B3GALT1: variants seen among roughly 807,000 people sequenced by gnomAD.
B3GALT1 encodes the protein UDP-Gal:betaGlcNAc beta 1,3-galactosyltransferase, polypeptide 1.
In B3GALT1, 10 loss-of-function variants were observed where a neutral mutation model predicts 23.2. The ratio of observed to expected loss-of-function variants is 0.43; its 90% CI spans 0.27 to 0.73. B3GALT1 has a LOEUF of 0.73. Ranked by LOEUF, B3GALT1 falls within the 30% of genes least tolerant of loss-of-function variation. The pLI is 0.21. For synonymous variants in B3GALT1, 156 were observed against 141.5 expected, an observed-to-expected ratio of 1.10 and a Z score of -0.73; for missense variants, 299 against 405.4, an observed-to-expected ratio of 0.74 and a Z score of 2.25.
chr2:167,739,786 A>G (rs1687548883), intron 3 of B3GALT1, among the ~76,000 whole-genome samples: 1 of 152,058 alleles, frequency 6.6e-6, no homozygotes, highest in South Asian at 2.1e-4. Flanking sequence ...AATATAATCC[A>G]CATTTCTTTA....
At chr2:167,800,006 C>T (rs948710169) in intron 3 of B3GALT1, among the ~76,000 whole-genome samples, 2 of 152,204 alleles carry the variant, frequency 1.3e-5, no homozygotes, top group East Asian at 1.9e-4. Flanking sequence ...TTCGCTAGAA[C>T]GTATGCTTCA....
intron 1 of B3GALT1, among the ~76,000 whole-genome samples, chr2:167,383,414 C>T (rs1282818055): frequency 6.6e-6 from 1 of 152,022 alleles, no homozygotes; most frequent in Admixed American, 6.6e-5. Context: ...TTGACTGTTC[C>T]CACTGTTTAA....
chr2:167,805,121 T>C (rs1187692756), intron 3 of B3GALT1, among the ~76,000 whole-genome samples: 1 of 152,368 alleles, frequency 6.6e-6, no homozygotes, highest in East Asian at 1.9e-4. Flanking sequence ...TGCATAAATG[T>C]CTTCTTGTGA....
chr2:167,416,431 C>T (rs1469868203), intron 1 of B3GALT1, among the ~76,000 whole-genome samples: 1 of 152,202 alleles, frequency 6.6e-6, no homozygotes, highest in African/African-American at 2.4e-5. Context: ...GAAGGGTTGG[C>T]AGCATTCACC....
intron 3 of B3GALT1, among the ~76,000 whole-genome samples, chr2:167,654,419 G>A (rs886494993): frequency 6.6e-6 from 1 of 152,108 alleles, no homozygotes; most frequent in Non-Finnish European, 1.5e-5. Context: ...GAGTGGGAAG[G>A]GGGAGCTAAA....
chr2:167,623,504 A>G (rs184239944), intron 2 of B3GALT1, among the ~76,000 whole-genome samples: 3 of 152,264 alleles, frequency 2.0e-5, no homozygotes, highest in Admixed American at 6.5e-5. Context: ...ACAAAAGAAC[A>G]GAAAACCAAA....
At chr2:167,308,923 A>G (rs1696592093) in intron 1 of B3GALT1, among the ~76,000 whole-genome samples, 1 of 152,034 alleles carries the variant, frequency 6.6e-6, no homozygotes, top group Non-Finnish European at 1.5e-5. Flanking sequence ...GGACTGTGGC[A>G]TTATGCTTGG....
chr2:167,740,687 C>G (rs762727615), intron 3 of B3GALT1, among the ~76,000 whole-genome samples: 2 of 151,952 alleles, frequency 1.3e-5, no homozygotes, highest in African/African-American at 4.8e-5. Flanking sequence ...CATCTTTGTG[C>G]AAATACTCTG....
intron 3 of B3GALT1, among the ~76,000 whole-genome samples, chr2:167,709,438 G>A (rs552969699): frequency 6.6e-6 from 1 of 152,198 alleles, no homozygotes; most frequent in Non-Finnish European, 1.5e-5. Flanking sequence ...CACAGGTGTA[G>A]CATAAACCCC....
rs116906974 is a variant in B3GALT1, at chr2:167,432,281, G to A, written c.-510-57896G>A. On this transcript the variant is annotated intron_variant, in intron 1 of 4. Coordinates refer to ENST00000392690, the MANE Select transcript of B3GALT1 (RefSeq NM_020981.4). ...ATGAAATAGAATTGGGACACCAATG[G>A]CTGTTGATCTGTAATAGTGGCATTC... 4.7e-3 allele frequency among the ~76,000 whole-genome samples: 721 copies of A among 152,306 alleles called. 6 individuals carry two copies. Among genetic ancestry groups the A allele is most frequent in the East Asian group, 0.018 (92 of 5,166 alleles).
In B3GALT1 at chr2:167,624,020, G is replaced by A. The variant is rs181047959; in HGVS notation, c.-409-22889G>A. On this transcript the variant is annotated intron_variant, in intron 2 of 4. Transcript: ENST00000392690. ...GGGTATTGGGAAGTCTTAAAGTAGA[G>A]GAATCATCTGATCTCAGTTTTGAAG... 7.9e-5 allele frequency among the ~76,000 whole-genome samples: 12 copies of A among 152,092 alleles called. No individual in the cohort carries two copies. In the East Asian group the frequency reaches 2.3e-3, roughly 30 times the overall value.
intron 1 of B3GALT1, among the ~76,000 whole-genome samples, chr2:167,450,936 A>G (rs1407887762): frequency 1.3e-5 from 2 of 151,800 alleles, no homozygotes; most frequent in African/African-American, 4.8e-5. Context: ...TAATTCGGAA[A>G]CTTTGTCTTT....
chr2:167,584,995 G>T lies in B3GALT1; in HGVS notation c.-409-61914G>T, dbSNP rs1684563267. 2.6e-5 allele frequency among the ~76,000 whole-genome samples: 4 copies of T among 152,166 alleles called. No homozygotes were observed. In the South Asian group the frequency reaches 8.3e-4, roughly 32 times the overall value. ...TTTGCCCCCCGTCTCATCCCCAGGGGAGGGTGCTACTGGAGCTGAATGTCC... is the reference window on the plus strand; with the variant it reads ...TTTGCCCCCCGTCTCATCCCCAGGGTAGGGTGCTACTGGAGCTGAATGTCC... On this transcript the variant is annotated intron_variant, in intron 2 of 4. Coordinates refer to ENST00000392690, the MANE Select transcript of B3GALT1 (RefSeq NM_020981.4).
intron 4 of B3GALT1, among the ~76,000 whole-genome samples, chr2:167,859,034 C>T (rs1283535260): frequency 6.6e-6 from 1 of 152,054 alleles, no homozygotes; most frequent in Non-Finnish European, 1.5e-5. Context: ...TTTTTGTTAT[C>T]ACATAGTTCA....
chr2:167,862,594 G>A (rs529245068), intron 4 of B3GALT1: 1 of 152,284 alleles, frequency 6.6e-6, no homozygotes, highest in African/African-American at 2.4e-5. Flanking sequence ...TTAGCCCAGT[G>A]AAGTTAACAC....
chr2:167,578,072 A>G (rs529660155), intron 2 of B3GALT1, among the ~76,000 whole-genome samples: 1 of 152,076 alleles, frequency 6.6e-6, no homozygotes, highest in South Asian at 2.1e-4. Context: ...TAAACCTTGA[A>G]CAACAGGAAT....
At chr2:167,665,874 T>C (rs933047295) in intron 3 of B3GALT1, among the ~76,000 whole-genome samples, 1 of 152,220 alleles carries the variant, frequency 6.6e-6, no homozygotes, top group African/African-American at 2.4e-5. Context: ...TTGGTCTTGC[T>C]AGTGGTCTAT....
intron 1 of B3GALT1, among the ~76,000 whole-genome samples, chr2:167,426,908 T>C (rs1051659224): frequency 6.6e-6 from 1 of 152,242 alleles, no homozygotes; most frequent in South Asian, 2.1e-4. Context: ...TGCTACAGAA[T>C]ATATACGTTC....
chr2:167,511,221 T>C (rs916025590), intron 2 of B3GALT1, among the ~76,000 whole-genome samples: 3 of 152,228 alleles, frequency 2.0e-5, no homozygotes, highest in South Asian at 2.1e-4. Flanking sequence ...GAAAATGATA[T>C]GATTTGGCTG....
Sources: gnomAD v4.1 joint callset for allele counts (sites outside exome capture counted in the v4.1 genomes callset) on GRCh38, gnomAD v4.1.1 for gene constraint, MANE v1.5 for transcripts, NCBI Gene and HGNC (gene_info 2026-07-23, HGNC 2026-07-21) for gene names.